Variants in RGS7 observed in about 807,000 individuals in gnomAD.
RGS7 encodes regulator of G protein signaling 7.
Under a neutral mutation model 81.1 loss-of-function variants are expected in RGS7, and 27 were observed. That is an observed-to-expected ratio of 0.33 (90% CI 0.25 to 0.46). The LOEUF is 0.46. Ranked by LOEUF, RGS7 falls within the 20% of genes least tolerant of loss-of-function variation. The pLI, the probability that RGS7 is intolerant of heterozygous loss-of-function variation, is 1.00. For missense variants in RGS7, 396 were observed against 607.4 expected (o/e 0.65, Z 3.66); for synonymous variants, 208 against 207.7 (o/e 1.00, Z -0.01).
At chr1:240,920,052 G>T in intron 6 of RGS7, 1 of 1,053,818 alleles carries the variant, frequency 9.5e-7, no homozygotes, top group Non-Finnish European at 1.5e-6. Flanking sequence ...TGAAGGGATT[G>T]AAATCATGAC....
intron 9 of RGS7, among the ~76,000 whole-genome samples, chr1:240,857,576 C>A (rs1379958113): frequency 1.3e-5 from 2 of 152,082 alleles, no homozygotes; most frequent in East Asian, 3.9e-4. Flanking sequence ...TCATCTTTTT[C>A]CTGTCTCTGT....
intron 2 of RGS7, among the ~76,000 whole-genome samples, chr1:241,217,675 A>C (rs556964039): frequency 6.6e-6 from 1 of 152,312 alleles, no homozygotes; most frequent in East Asian, 1.9e-4. Context: ...TCAAGGTTCT[A>C]ATTAAATCTA....
At chr1:240,943,301 G>C (rs563778035) in intron 4 of RGS7, among the ~76,000 whole-genome samples, 8 of 152,204 alleles carry the variant, frequency 5.3e-5, no homozygotes, top group Non-Finnish European at 1.0e-4. Flanking sequence ...ACCTGAGCAA[G>C]AGACTTGGAT....
At chr1:240,774,892 A>G (rs1292579409), downstream of RGS7, among the ~76,000 whole-genome samples, 1 of 152,196 alleles carries the variant, frequency 6.6e-6, no homozygotes, top group African/African-American at 2.4e-5. Flanking sequence ...CGGTATAACA[A>G]CTAATAGCAT....
At chr1:241,210,548 G>A (rs1471166400) in intron 2 of RGS7, among the ~76,000 whole-genome samples, 1 of 152,210 alleles carries the variant, frequency 6.6e-6, no homozygotes, top group African/African-American at 2.4e-5. Context: ...GAGTTTGAGT[G>A]AGGACTTCAA....
At chr1:241,082,795 C>G (rs1232791746) in intron 3 of RGS7, among the ~76,000 whole-genome samples, 1 of 152,000 alleles carries the variant, frequency 6.6e-6, no homozygotes. Flanking sequence ...TGATCATTAC[C>G]CACTTTATAT....
At chr1:241,029,650 C>G (rs2059968433) in intron 3 of RGS7, among the ~76,000 whole-genome samples, 1 of 152,210 alleles carries the variant, frequency 6.6e-6, no homozygotes, top group Non-Finnish European at 1.5e-5. Context: ...TATTTACCAT[C>G]AGCTTTCTCA....
rs566430785 is a variant in RGS7, at chr1:241,110,273, C to T, written c.79-11511G>A. ...AAGTCCGAATCAATAGTCTTATCATCGGCCCCCTTTCAGATGGAGAGACCA... is the reference window on the plus strand; with the variant it reads ...AAGTCCGAATCAATAGTCTTATCATTGGCCCCCTTTCAGATGGAGAGACCA... On this transcript the variant is annotated intron_variant, in intron 2 of 18. Transcript: ENST00000440928. Among the ~76,000 whole-genome samples, 4 of 152,254 alleles carry T rather than the reference C, an allele frequency of 2.6e-5. No individual in the cohort carries two copies. In the East Asian group the frequency reaches 7.7e-4, roughly 29 times the overall value.
chr1:240,888,896 G>A (rs1273915595), intron 6 of RGS7, among the ~76,000 whole-genome samples: 2 of 152,092 alleles, frequency 1.3e-5, no homozygotes, highest in Admixed American at 6.5e-5. Flanking sequence ...GGGTGCAAAG[G>A]GCAGAGCTAC....
At chr1:241,033,149 G>A (rs958088870) in intron 3 of RGS7, among the ~76,000 whole-genome samples, 2 of 152,170 alleles carry the variant, frequency 1.3e-5, no homozygotes, top group Non-Finnish European at 1.5e-5. Flanking sequence ...TCAGGAGTTC[G>A]AGACCAGCCT....
intron 2 of RGS7, among the ~76,000 whole-genome samples, chr1:241,124,901 C>T (rs2066541701): frequency 6.6e-6 from 1 of 152,256 alleles, no homozygotes; most frequent in Admixed American, 6.5e-5. Flanking sequence ...TCTGTACTAA[C>T]TGCTGAGGCC....
At chr1:241,208,995 G>T (rs893069544) in intron 2 of RGS7, among the ~76,000 whole-genome samples, 6 of 152,180 alleles carry the variant, frequency 3.9e-5, no homozygotes, top group African/African-American at 1.4e-4. Flanking sequence ...CAAGGACTGC[G>T]CCTGCATCTG....
At chr1:241,084,049 C>A (rs536022575) in intron 3 of RGS7, among the ~76,000 whole-genome samples, 1 of 152,136 alleles carries the variant, frequency 6.6e-6, no homozygotes, top group Non-Finnish European at 1.5e-5. Flanking sequence ...ATATAAGGTT[C>A]CTTAAAAGTT....
At chr1:241,129,711 T>C (rs1240285930) in intron 2 of RGS7, among the ~76,000 whole-genome samples, 1 of 152,018 alleles carries the variant, frequency 6.6e-6, no homozygotes, top group Non-Finnish European at 1.5e-5. Flanking sequence ...TAAACGAGAT[T>C]TCTGGGTGGA....
intron 2 of RGS7, among the ~76,000 whole-genome samples, chr1:241,273,330 T>C (rs919830112): frequency 3.9e-5 from 6 of 152,120 alleles, no homozygotes; most frequent in African/African-American, 1.4e-4. Flanking sequence ...TTTAGCAAGA[T>C]TGGGTATCTG....
chr1:240,802,268 T>A (rs890217913), intron 16 of RGS7, among the ~76,000 whole-genome samples: 4 of 152,188 alleles, frequency 2.6e-5, no homozygotes, highest in African/African-American at 9.6e-5. Context: ...TTCTCTTCCC[T>A]GTTATATTGA....
At chr1:240,993,623 G>C (rs1354413588) in intron 3 of RGS7, among the ~76,000 whole-genome samples, 1 of 151,076 alleles carries the variant, frequency 6.6e-6, no homozygotes, top group African/African-American at 2.4e-5. Flanking sequence ...TGGATATGTG[G>C]TTTACAGATA....
At chr1:241,154,557 A>G (rs573727867) in intron 2 of RGS7, among the ~76,000 whole-genome samples, 1 of 152,358 alleles carries the variant, frequency 6.6e-6, no homozygotes, top group Admixed American at 6.5e-5. Flanking sequence ...AGTGATTAGA[A>G]CACTCTTGAA....
At chr1:240,785,339 TC>T (rs1235025832) in intron 18 of RGS7, among the ~76,000 whole-genome samples, 1 of 152,176 alleles carries the variant, frequency 6.6e-6, no homozygotes, top group African/African-American at 2.4e-5. Context: ...AAGATGAACT[TC>T]CTATCTATGT....
Sources: allele counts gnomAD v4.1 joint callset (sites outside exome capture counted in the v4.1 genomes callset), GRCh38; gene constraint gnomAD v4.1.1; transcripts MANE v1.5; gene names NCBI Gene and HGNC (gene_info 2026-07-23, HGNC 2026-07-21).